NDRG4: variants seen among roughly 807,000 people sequenced by gnomAD.
The protein encoded by NDRG4 is protein NDRG4.
A neutral mutation model predicts 55.8 loss-of-function variants in NDRG4; 38 were observed. The ratio of observed to expected loss-of-function variants is 0.68; its 90% CI spans 0.53 to 0.89. NDRG4 has a LOEUF of 0.89. Ranked by LOEUF, NDRG4 falls within the 40% of genes least tolerant of loss-of-function variation. The probability of loss-of-function intolerance (pLI) is 0.00; values close to 1 mark genes in which losing one functional copy is unlikely to be tolerated. For synonymous variants in NDRG4, 190 were observed against 182.7 expected (o/e 1.04, Z -0.32); for missense variants, 455 against 468.6 (o/e 0.97, Z 0.27).
At chr16:58,505,984 A>T in intron 5 of NDRG4, 1 of 320,428 alleles carries the variant, frequency 3.1e-6, no homozygotes, top group South Asian at 2.6e-5. Flanking sequence ...GGCCTCCCAA[A>T]GTGCTGGGAT....
chr16:58,469,244 A>C (rs1355585948), intron 1 of NDRG4, among the ~76,000 whole-genome samples: 1 of 152,098 alleles, frequency 6.6e-6, no homozygotes, highest in Non-Finnish European at 1.5e-5. Context: ...CTGGATCCTC[A>C]TTTCCAGTTC....
chr16:58,507,707 A>C, intron 8 of NDRG4, 101 bp from the exon 9 acceptor site: 1 of 1,131,376 alleles, frequency 8.8e-7, no homozygotes. Context: ...GAGCAGGTCC[A>C]CGCCTCCCTG....
chr16:58,507,065 C>T (rs751603644), intron 8 of NDRG4, 50 bp downstream of exon 8: 7 of 1,416,728 alleles, frequency 4.9e-6, no homozygotes, highest in Middle Eastern at 3.6e-4. Context: ...CAGTGGGGGC[C>T]CTTGCACACT....
intron 1 of NDRG4, chr16:58,501,208 C>A (rs979282725): frequency 4.6e-5 from 22 of 478,606 alleles, no homozygotes; most frequent in Non-Finnish European, 6.7e-5. Flanking sequence ...GTGACGACGT[C>A]AGCACCTGCC....
chr16:58,466,868 T>C (rs1350223868), intron 1 of NDRG4, among the ~76,000 whole-genome samples: 1 of 152,200 alleles, frequency 6.6e-6, no homozygotes, highest in Non-Finnish European at 1.5e-5. Flanking sequence ...TGAGATAGTG[T>C]AGGCGACACA....
At chr16:58,501,390 GC>G in intron 1 of NDRG4, 1 of 275,364 alleles carries the variant, frequency 3.6e-6, no homozygotes, top group Non-Finnish European at 6.8e-6. Flanking sequence ...AGCCGCCACA[GC>G]CCCCTCCCCT....
intron 5 of NDRG4, among the ~76,000 whole-genome samples, chr16:58,505,216 GCGGGCGCCTGTAGTCCCAGCTACT>G (rs2037729302): frequency 6.6e-6 from 1 of 151,672 alleles, no homozygotes; most frequent in Non-Finnish European, 1.5e-5. Flanking sequence ...GGGCGTAGTG[GCGGGCGCCTGTAGTCCCAGCTACT>G]CGGGAGGCTG....
intron 11 of NDRG4, 27 bp from the exon 12 acceptor site, chr16:58,509,127 C>T (rs371660260): frequency 6.2e-6 from 10 of 1,613,890 alleles, no homozygotes; most frequent in Non-Finnish European, 6.8e-6. Flanking sequence ...GGGCCCTGCT[C>T]AGGTCACCCC....
intron 5 of NDRG4, among the ~76,000 whole-genome samples, chr16:58,505,204 C>A (rs1170046825): frequency 2.0e-5 from 3 of 151,934 alleles, no homozygotes; most frequent in Non-Finnish European, 1.5e-5. Flanking sequence ...AAAAAATTAG[C>A]CGGGCGTAGT....
At chr16:58,514,191 T>A (rs555883059), downstream of NDRG4, among the ~76,000 whole-genome samples, 13 of 152,328 alleles carry the variant, frequency 8.5e-5, no homozygotes, top group Admixed American at 7.8e-4. Context: ...ATTTTACACA[T>A]ACTAAATCTT....
chr16:58,487,286 C>A (rs1033324831), intron 1 of NDRG4, among the ~76,000 whole-genome samples: 1 of 152,120 alleles, frequency 6.6e-6, no homozygotes, highest in African/African-American at 2.4e-5. Flanking sequence ...TTTGGGAGAC[C>A]AAGACGGGTG....
In NDRG4 at chr16:58,464,653, C is replaced by A; in HGVS notation, c.-24+856C>A. The A allele has an allele frequency of 1.0e-6, 1 of 981,604 alleles. No homozygotes were observed. Among genetic ancestry groups the A allele is most frequent in the Non-Finnish European group, 1.3e-6 (1 of 745,914 alleles). 60.8% of individuals were successfully genotyped at this position (981,604 alleles called of 1,614,324 possible). A position where few individuals can be genotyped will look rare whatever the true frequency, so the allele number is the denominator to read the frequency against. ...CCCGGGAGAGGACTTGAGGTTGTGG[C>A]GAGTCCCTGGCGCTGGCGTCCGGGC... On this transcript the variant is annotated intron_variant, in intron 1 of 15. Coordinates refer to the NDRG4 transcript ENST00000258187. The surrounding 1 kb of genome is among the most constrained non-coding windows in gnomAD (Gnocchi z 4.8).
intron 1 of NDRG4, among the ~76,000 whole-genome samples, chr16:58,478,466 AC>A (rs1168761502): frequency 6.6e-6 from 1 of 152,104 alleles, no homozygotes; most frequent in Admixed American, 6.6e-5. Flanking sequence ...AGGAGGACAT[AC>A]CAACTAAATA....
At chr16:58,499,746 C>T (rs1597261411), upstream of NDRG4, 2 of 217,900 alleles carry the variant, frequency 9.2e-6, no homozygotes, top group Non-Finnish European at 1.8e-5. Flanking sequence ...TGGGCAGTGC[C>T]CATGCACCCT....
At chr16:58,486,741 ACACACACACG>A (rs1479269367) in intron 1 of NDRG4, among the ~76,000 whole-genome samples, 2 of 121,426 alleles carry the variant, frequency 1.6e-5, no homozygotes, top group Non-Finnish European at 3.6e-5. Flanking sequence ...ACACACACAC[ACACACACACG>A]CCTGCATGTA....
rs2031203132 is a variant in NDRG4 at position 58,464,575 on chromosome 16, G to A, written c.-24+778G>A. On this transcript the variant is annotated intron_variant, in intron 1 of 15. Transcript: ENST00000258187. This position sits in a 1 kb window ranked among gnomAD's most constrained non-coding sequence, Gnocchi z 4.8. ...CTCGGGTCTGAGCAGGAAGGGGTGC[G>A]GACCCCAACTAAGTCCTAGTTTTGT... The A allele has an allele frequency of 4.7e-6, 5 of 1,058,356 alleles. No individual in the cohort carries two copies. Among genetic ancestry groups the A allele is most frequent in the Non-Finnish European group, 6.2e-6 (5 of 812,308 alleles). The allele number at this position is 1,058,356 out of a possible 1,614,324, so 65.6% of individuals were successfully genotyped here.
At chr16:58,482,103 A>G (rs1173069791) in intron 1 of NDRG4, among the ~76,000 whole-genome samples, 1 of 152,018 alleles carries the variant, frequency 6.6e-6, no homozygotes, top group Non-Finnish European at 1.5e-5. Context: ...ACATGCTCCC[A>G]CTCGGCCACA....
At chr16:58,506,011 G>C in intron 5 of NDRG4, 1 of 345,714 alleles carries the variant, frequency 2.9e-6, no homozygotes, top group South Asian at 2.4e-5. Context: ...CGTGAGCCAC[G>C]GCGCCTGGCC....
intron 1 of NDRG4, among the ~76,000 whole-genome samples, chr16:58,477,797 AT>A (rs1434807424): frequency 1.6e-4 from 24 of 152,300 alleles, no homozygotes; most frequent in Non-Finnish European, 2.9e-4. Context: ...GTGGGGAAGT[AT>A]GATGAGACAT....
Sources: allele counts gnomAD v4.1 joint callset (sites outside exome capture counted in the v4.1 genomes callset), GRCh38; gene constraint gnomAD v4.1.1; non-coding constraint Gnocchi (gnomAD v3.1); transcripts MANE v1.5; gene names NCBI Gene and HGNC (gene_info 2026-07-23, HGNC 2026-07-21).